COL26A1: variants seen among roughly 807,000 people sequenced by gnomAD.
COL26A1 encodes the protein collagen alpha-1(XXVI) chain.
In COL26A1, 41 loss-of-function variants were observed where a neutral mutation model predicts 59.3. The ratio of observed to expected loss-of-function variants is 0.69; its 90% CI spans 0.54 to 0.90. COL26A1 has a LOEUF of 0.90. Among genes scored for constraint, COL26A1 ranks in the 40% least tolerant of loss-of-function variants. The pLI is 0.00. For missense variants in COL26A1, 612 were observed against 602.3 expected, an observed-to-expected ratio of 1.02 and a Z score of -0.17; for synonymous variants, 266 against 256.0, an observed-to-expected ratio of 1.04 and a Z score of -0.37.
chr7:101,393,725 G>A (rs1433264678), intron 1 of COL26A1, among the ~76,000 whole-genome samples: 1 of 152,000 alleles, frequency 6.6e-6, no homozygotes. Flanking sequence ...GGGATTACAG[G>A]TGTGAGCCAC....
rs201066691 is a variant in COL26A1, at chr7:101,387,740, ATATATATATATATT to A, written c.158+24564_158+24577del. 6.9e-3 allele frequency among the ~76,000 whole-genome samples: 720 copies of A among 103,876 alleles called. 9 individuals carry two copies. The highest frequency in any genetic ancestry group is 0.012 in the African/African-American group (296 of 24,362). 68.1% of individuals were successfully genotyped at this position (103,876 alleles called of 152,430 possible). On this transcript the variant is annotated intron_variant, in intron 1 of 12. Transcript: ENST00000313669. Reference sequence around the variant, plus strand: ...TTAACATATATTTTAATATAATTATATATATATATATATTTATATATATATATATATATATATAT... The same window carrying A: ...TTAACATATATTTTAATATAATTATATATATATATATATATATATATATAT...
intron 1 of COL26A1, 53 bp downstream of exon 1, chr7:101,363,243 G>A (rs112404660): frequency 0.018 from 22,494 of 1,260,258 alleles, 1,134 homozygotes; most frequent in Non-Finnish European, 0.02. Context: ...AGCGGACAGC[G>A]GGGGCCCTGG....
At chr7:101,418,667 T>C (rs1410927470) in intron 1 of COL26A1, among the ~76,000 whole-genome samples, 1 of 151,978 alleles carries the variant, frequency 6.6e-6, no homozygotes, top group Non-Finnish European at 1.5e-5. Flanking sequence ...GGTCTCGCTA[T>C]GTTGCCCAGG....
chr7:101,517,570 A>T (rs1285867706), intron 3 of COL26A1, among the ~76,000 whole-genome samples: 5 of 152,128 alleles, frequency 3.3e-5, no homozygotes, highest in African/African-American at 1.2e-4. Context: ...CACTATCACG[A>T]GAACGGCATG....
chr7:101,439,120 A>C (rs1792985667), intron 2 of COL26A1, among the ~76,000 whole-genome samples: 1 of 151,874 alleles, frequency 6.6e-6, no homozygotes, highest in African/African-American at 2.4e-5. Flanking sequence ...GGACCACCCC[A>C]CCTTGGGGTT....
intron 3 of COL26A1, among the ~76,000 whole-genome samples, chr7:101,520,391 C>G (rs1444689471): frequency 6.6e-6 from 1 of 152,078 alleles, no homozygotes; most frequent in African/African-American, 2.4e-5. Context: ...GAGAGAGACT[C>G]ATTTAAGAAC....
At chr7:101,377,673 T>G (rs2117021610) in intron 1 of COL26A1, among the ~76,000 whole-genome samples, 1 of 151,856 alleles carries the variant, frequency 6.6e-6, no homozygotes, top group Non-Finnish European at 1.5e-5. Context: ...GCGATTCTCC[T>G]CCCTCAGCCT....
chr7:101,412,931 CTT>C (rs1282969449), intron 1 of COL26A1, among the ~76,000 whole-genome samples: 1 of 152,168 alleles, frequency 6.6e-6, no homozygotes, highest in Admixed American at 6.5e-5. Context: ...AGCAGCATCT[CTT>C]AGGGCAGCAG....
At chr7:101,466,837 T>TGAGAGA (rs1554416674) in intron 3 of COL26A1, among the ~76,000 whole-genome samples, 113 of 122,704 alleles carry the variant, frequency 9.2e-4, no homozygotes, top group African/African-American at 3.1e-3. Flanking sequence ...TGTGTGTGTG[T>TGAGAGA]GAGAGAGAGA....
chr7:101,378,533 A>AT (rs1056625351), intron 1 of COL26A1, among the ~76,000 whole-genome samples: 4 of 151,378 alleles, frequency 2.6e-5, no homozygotes, highest in East Asian at 2.0e-4. Context: ...AACAAAAAAA[A>AT]TTTTTTTTTG....
chr7:101,401,695 A>G (rs1792006709), intron 1 of COL26A1, among the ~76,000 whole-genome samples: 1 of 129,026 alleles, frequency 7.8e-6, no homozygotes, highest in African/African-American at 3.3e-5. Context: ...GCTGAGGAGG[A>G]GGAAGAGTAG....
chr7:101,527,494 ATTTTT>A (rs35889525), intron 3 of COL26A1, among the ~76,000 whole-genome samples: 6 of 144,026 alleles, frequency 4.2e-5, no homozygotes, highest in Non-Finnish European at 9.1e-5. Context: ...CGTCCAGCTG[ATTTTT>A]TTTTTTTTGT....
In COL26A1 at chr7:101,464,765, T is replaced by C. The variant is rs920687667; in HGVS notation, c.385+16978T>C. Among the ~76,000 whole-genome samples, 3 of 152,130 alleles carry C rather than the reference T, an allele frequency of 2.0e-5. No homozygotes were observed. In the East Asian group the frequency reaches 5.8e-4, roughly 29 times the overall value. ...ATTTTGGAGACAGTGTCTTGCTCGG[T>C]TGCCCAGATGATCATAGCTCACTGC... is the stretch of plus-strand genomic sequence containing the variant. On this transcript the variant is annotated intron_variant, in intron 3 of 12. Coordinates refer to ENST00000313669, the MANE Select transcript of COL26A1 (RefSeq NM_001278563.3).
intron 3 of COL26A1, among the ~76,000 whole-genome samples, chr7:101,511,158 T>C (rs1794915762): frequency 6.6e-6 from 1 of 152,110 alleles, no homozygotes; most frequent in South Asian, 2.1e-4. Context: ...CGCCTCGGCC[T>C]CCCAAAGTGC....
chr7:101,374,638 CT>C (rs1359262111), intron 1 of COL26A1, among the ~76,000 whole-genome samples: 5 of 152,186 alleles, frequency 3.3e-5, no homozygotes, highest in African/African-American at 1.2e-4. Context: ...CTGTCATTGT[CT>C]CCCATCACCC....
chr7:101,558,996 A>G lies in COL26A1; in HGVS notation c.*1466A>G, dbSNP rs1796045912. On this transcript the variant is annotated 3_prime_UTR_variant, in exon 13 of 13. Coordinates refer to ENST00000313669, the MANE Select transcript of COL26A1 (RefSeq NM_001278563.3). ...ACCACCAGCCTGTAGCGTTATTATT[A>G]TATGTGACAATAAAGGTGCTCTCCC... 1.3e-5 allele frequency: 2 copies of G among 152,344 alleles called. No homozygotes were observed. Among genetic ancestry groups the G allele is most frequent in the East Asian group, 3.9e-4 (2 of 5,164 alleles). The allele number at this position is 152,344 out of a possible 1,614,324, so 9.4% of individuals were successfully genotyped here. A position where few individuals can be genotyped will look rare whatever the true frequency, so the allele number is the denominator to read the frequency against.
At chr7:101,496,559 G>A (rs1326600942) in intron 3 of COL26A1, among the ~76,000 whole-genome samples, 3 of 152,136 alleles carry the variant, frequency 2.0e-5, no homozygotes, top group African/African-American at 7.2e-5. Flanking sequence ...CCTCTGTGGG[G>A]TCTTCAAACT....
intron 12 of COL26A1, among the ~76,000 whole-genome samples, chr7:101,556,646 A>AATGG (rs956812779): frequency 2.0e-5 from 3 of 151,066 alleles, no homozygotes; most frequent in South Asian, 2.1e-4. Flanking sequence ...TGAATGAGTG[A>AATGG]ATGGATGGAT....
intron 3 of COL26A1, among the ~76,000 whole-genome samples, chr7:101,450,710 T>A (rs1007946991): frequency 4.7e-5 from 7 of 148,266 alleles, no homozygotes; most frequent in Non-Finnish European, 1.0e-4. Flanking sequence ...CTATATTCAA[T>A]AATATAGAAT....
Sources: allele counts gnomAD v4.1 joint callset (sites outside exome capture counted in the v4.1 genomes callset), GRCh38; gene constraint gnomAD v4.1.1; transcripts MANE v1.5; gene names NCBI Gene and HGNC (gene_info 2026-07-23, HGNC 2026-07-21).